Variants in GPD2 observed in about 807,000 individuals in gnomAD.
GPD2 encodes the protein glycerol-3-phosphate dehydrogenase, mitochondrial.
In GPD2, 54 loss-of-function variants were observed where a neutral mutation model predicts 82.4. That is an observed-to-expected ratio of 0.66 (90% CI 0.53 to 0.82). The LOEUF is 0.82. GPD2 is among the 40% of genes least tolerant of loss of function. GPD2 has a pLI of 0.00. For synonymous variants in GPD2, 288 were observed against 306.1 expected, an observed-to-expected ratio of 0.94 and a Z score of 0.62; for missense variants, 748 against 896.2, an observed-to-expected ratio of 0.83 and a Z score of 2.11.
intron 6 of GPD2, among the ~76,000 whole-genome samples, chr2:156,522,142 T>C (rs1296428567): frequency 2.0e-5 from 3 of 152,048 alleles, no homozygotes; most frequent in African/African-American, 7.3e-5. Context: ...ATCCAGCATA[T>C]GTTTTAGCTT....
At chr2:156,529,700 T>A (rs1473549520) in intron 6 of GPD2, among the ~76,000 whole-genome samples, 2 of 151,198 alleles carry the variant, frequency 1.3e-5, no homozygotes, top group East Asian at 3.9e-4. Flanking sequence ...TAGGGAATCC[T>A]TTCCCCATTG....
the GPD2 span, among the ~76,000 whole-genome samples, chr2:156,423,982 G>A: frequency 1.9e-4 from 29 of 152,292 alleles, no homozygotes; most frequent in Admixed American, 1.6e-3. Context: ...GTGGCTAATC[G>A]AAAGGGTATT....
At chr2:156,477,843 G>C (rs529966712) in intron 2 of GPD2, among the ~76,000 whole-genome samples, 1 of 152,174 alleles carries the variant, frequency 6.6e-6, no homozygotes, top group East Asian at 1.9e-4. Context: ...AAAAGATGTG[G>C]CTTCTGCTGA....
chr2:156,451,511 CG>C (rs372106037), intron 1 of GPD2, among the ~76,000 whole-genome samples: 5 of 21,486 alleles, frequency 2.3e-4, no homozygotes, highest in Admixed American at 6.4e-4. Flanking sequence ...GCTGGCCGAG[CG>C]GGGGGGCTGA....
the GPD2 span, among the ~76,000 whole-genome samples, chr2:156,426,468 C>T: frequency 6.6e-6 from 1 of 152,204 alleles, no homozygotes; most frequent in Non-Finnish European, 1.5e-5. Flanking sequence ...GATTCAATTA[C>T]CTTCACCTGG....
At chr2:156,414,185 TATAA>T in the GPD2 span, among the ~76,000 whole-genome samples, 4 of 152,220 alleles carry the variant, frequency 2.6e-5, no homozygotes, top group Non-Finnish European at 1.5e-5. Context: ...AAAATTGGAA[TATAA>T]ATAAAGAACA....
rs1683496801 is a variant in GPD2 at position 156,475,984 on chromosome 2, GTTTTC to G, written c.-8-107_-8-103del. The G allele has an allele frequency of 7.3e-6, 5 of 689,172 alleles. No individual in the cohort carries two copies. The East Asian group carries it at 1.1e-4, about 15-fold the overall frequency. The allele number at this position is 689,172 out of a possible 1,614,324, so 42.7% of individuals were successfully genotyped here. ...TTTGTTAGTAATTTCCTTATTTTATGTTTTCTTTTCTAGTTTAACATGGTTTCATA... is the reference window on the plus strand; with the variant it reads ...TTTGTTAGTAATTTCCTTATTTTATGTTTTCTAGTTTAACATGGTTTCATA... On this transcript the variant is annotated intron_variant, in intron 1 of 16. Transcript: ENST00000438166.
chr2:156,468,886 T>G (rs1391183792), intron 1 of GPD2, among the ~76,000 whole-genome samples: 2 of 152,182 alleles, frequency 1.3e-5, no homozygotes, highest in African/African-American at 2.4e-5. Flanking sequence ...TATTGTTGAC[T>G]GCAGTCACCC....
intron 9 of GPD2, among the ~76,000 whole-genome samples, chr2:156,561,572 A>G (rs1224019040): frequency 7.2e-5 from 11 of 152,104 alleles, no homozygotes; most frequent in Admixed American, 4.6e-4. Context: ...CACTGACCTT[A>G]TTTGAATTTG....
At chr2:156,468,393 A>C (rs939271355) in intron 1 of GPD2, among the ~76,000 whole-genome samples, 1 of 152,202 alleles carries the variant, frequency 6.6e-6, no homozygotes, top group Admixed American at 6.5e-5. Flanking sequence ...TGCGAGTGTG[A>C]GGCCTGGCCC....
At chr2:156,550,472 G>T (rs1686713995) in intron 7 of GPD2, 130 bp from the exon 8 acceptor site, 15 of 910,050 alleles carry the variant, frequency 1.6e-5, no homozygotes, top group South Asian at 1.3e-4. Context: ...AACTTGAGCT[G>T]CTCAGGTCAC....
chr2:156,464,156 G>C (rs1389228316), intron 1 of GPD2, among the ~76,000 whole-genome samples: 1 of 151,976 alleles, frequency 6.6e-6, no homozygotes, highest in Non-Finnish European at 1.5e-5. Context: ...TTTTGGAGTG[G>C]GGATGGAGCA....
intron 13 of GPD2, among the ~76,000 whole-genome samples, chr2:156,576,980 A>G (rs529365010): frequency 6.6e-6 from 1 of 152,324 alleles, no homozygotes; most frequent in African/African-American, 2.4e-5. Flanking sequence ...GTCCTTGGAG[A>G]TGGAGACTTC....
chr2:156,551,783 T>C (rs1161204587), intron 8 of GPD2, among the ~76,000 whole-genome samples: 3 of 152,166 alleles, frequency 2.0e-5, no homozygotes, highest in Non-Finnish European at 4.4e-5. Context: ...GTATAGGACT[T>C]GATATTTTAT....
At chr2:156,413,706 A>G in the GPD2 span, among the ~76,000 whole-genome samples, 4 of 152,034 alleles carry the variant, frequency 2.6e-5, no homozygotes, top group Middle Eastern at 3.2e-3. Flanking sequence ...GGAGTCCAAG[A>G]CCAGCCTGGC....
intron 4 of GPD2, 91 bp from the exon 5 acceptor site, chr2:156,512,129 T>C (rs1573947037): frequency 1.3e-6 from 1 of 765,828 alleles, no homozygotes; most frequent in Admixed American, 1.7e-5. Flanking sequence ...AAGGTTTCTG[T>C]GTATCAATCA....
intron 13 of GPD2, among the ~76,000 whole-genome samples, chr2:156,573,387 T>C (rs760848911): frequency 6.6e-6 from 1 of 152,190 alleles, no homozygotes; most frequent in Non-Finnish European, 1.5e-5. Flanking sequence ...GAAGAAGTCT[T>C]GAGCTTTAGT....
intron 1 of GPD2, among the ~76,000 whole-genome samples, chr2:156,461,619 A>G (rs1682991902): frequency 6.6e-6 from 1 of 152,072 alleles, no homozygotes; most frequent in Non-Finnish European, 1.5e-5. Flanking sequence ...ACCTCAAGCG[A>G]TCCTCCCACC....
chr2:156,539,764 TGGTTCTGTGAA>T lies in GPD2; in HGVS notation c.662-9843_662-9833del, dbSNP rs902746055. On this transcript the variant is annotated intron_variant, in intron 6 of 16. Coordinates refer to ENST00000438166, the MANE Select transcript of GPD2 (RefSeq NM_000408.5). ...ATGAGGAAAAGAGGACTGAAAAAAA[TGGTTCTGTGAA>T]AGTGAAAGGATTCACTTGCTTTTCC... Among the ~76,000 whole-genome samples, 219 of 152,302 alleles carry T rather than the reference TGGTTCTGTGAA, an allele frequency of 1.4e-3. 1 individual carries two copies. The highest frequency in any genetic ancestry group is 2.8e-3 in the Non-Finnish European group (190 of 68,018).
Sources: allele counts gnomAD v4.1 joint callset (sites outside exome capture counted in the v4.1 genomes callset), GRCh38; gene constraint gnomAD v4.1.1; transcripts MANE v1.5; gene names NCBI Gene and HGNC (gene_info 2026-07-23, HGNC 2026-07-21).